Variants in CLSTN1 observed in about 807,000 individuals in gnomAD.
CLSTN1 encodes the protein calsyntenin 1.
CLSTN1 carries 28 observed loss-of-function variants against 108.3 expected under a neutral mutation model. The observed-to-expected ratio is 0.26, with a 90% confidence interval of 0.19 to 0.35. The LOEUF (loss-of-function observed/expected upper bound fraction) is 0.35. CLSTN1 is among the 10% of genes least tolerant of loss of function. CLSTN1 has a pLI of 1.00. For synonymous variants in CLSTN1, 524 were observed against 534.9 expected (o/e 0.98, Z 0.28); for missense variants, 1,157 against 1,302.6 (o/e 0.89, Z 1.72).
chr1:9,778,306 T>C (rs919957716), intron 1 of CLSTN1, among the ~76,000 whole-genome samples: 1 of 151,010 alleles, frequency 6.6e-6, no homozygotes, highest in Non-Finnish European at 1.5e-5. Context: ...ATTCTCTAAT[T>C]CCCAGTACCT....
At chr1:9,784,253 G>T (rs998234110) in intron 1 of CLSTN1, among the ~76,000 whole-genome samples, 4 of 151,952 alleles carry the variant, frequency 2.6e-5, no homozygotes, top group African/African-American at 4.8e-5. Flanking sequence ...TGAGGCAGGG[G>T]AATCTCTTGA....
chr1:9,797,197 A>G (rs1321463346), intron 1 of CLSTN1, among the ~76,000 whole-genome samples: 2 of 152,208 alleles, frequency 1.3e-5, no homozygotes. Context: ...AAAGAAATCA[A>G]GCTGGACTCA....
Position 9,823,409 on chromosome 1 carries a change from G to A in CLSTN1, c.91+234C>T, listed in dbSNP as rs1038393424. Among the ~76,000 whole-genome samples, 1 of 152,044 alleles carries A rather than the reference G, an allele frequency of 6.6e-6. No homozygotes were observed. Among genetic ancestry groups the A allele is most frequent in the African/African-American group, 2.4e-5 (1 of 41,410 alleles). On this transcript the variant is annotated intron_variant, in intron 1 of 18. Transcript: ENST00000377298. This position sits in a 1 kb window ranked among gnomAD's most constrained non-coding sequence, Gnocchi z 6.3. ...CTTCCCCGGGACGCCTGCAGCGCGC[G>A]CCCACAGTCTCCTGCGCCCTGGCCC...
Position 9,734,611 on chromosome 1 carries a change from T to C in CLSTN1, c.2110+337A>G, listed in dbSNP as rs1204824188. Among the ~76,000 whole-genome samples the C allele has an allele frequency of 6.7e-6, 1 of 149,762 alleles. No individual in the cohort carries two copies. The highest frequency in any genetic ancestry group is 1.5e-5 in the Non-Finnish European group (1 of 67,668). On this transcript the variant is annotated intron_variant, in intron 14 of 18. Coordinates refer to ENST00000377298, the MANE Select transcript of CLSTN1 (RefSeq NM_001009566.3). The surrounding 1 kb of genome is among the most constrained non-coding windows in gnomAD (Gnocchi z 4.8). ...AAAAGGGGGGGAGTTTCATGTGTCC[T>C]GAGCAAGAATTGTGGGGACATTGTG...
chr1:9,734,614 G>C lies in CLSTN1; in HGVS notation c.2110+334C>G, dbSNP rs573046188. Among the ~76,000 whole-genome samples the C allele has an allele frequency of 7.3e-5, 11 of 151,326 alleles. No homozygotes were observed. The South Asian group carries it at 2.3e-3, about 32-fold the overall frequency. ...AGGGGGGGAGTTTCATGTGTCCTGA[G>C]CAAGAATTGTGGGGACATTGTGCCT... On this transcript the variant is annotated intron_variant, in intron 14 of 18. Coordinates refer to ENST00000377298, the MANE Select transcript of CLSTN1 (RefSeq NM_001009566.3). This position sits in a 1 kb window ranked among gnomAD's most constrained non-coding sequence, Gnocchi z 4.8.
chr1:9,792,614 G>A (rs1167759130), intron 1 of CLSTN1, among the ~76,000 whole-genome samples: 1 of 151,444 alleles, frequency 6.6e-6, no homozygotes, highest in African/African-American at 2.4e-5. Flanking sequence ...GGTGTCGGGT[G>A]TCGGGAACCA....
At chr1:9,813,176 GA>G (rs1294388508) in intron 1 of CLSTN1, among the ~76,000 whole-genome samples, 1 of 151,342 alleles carries the variant, frequency 6.6e-6, no homozygotes, top group Non-Finnish European at 1.5e-5. Flanking sequence ...TAAACAAAAA[GA>G]AAAACCTGTT....
Position 9,751,679 on chromosome 1 carries a change from G to A in CLSTN1, c.443C>T (p.Ala148Val), listed in dbSNP as rs1272192083. ...GTCGTTCACCTGAATATGAACAGTT[G>A]CTCTGGACAAAGGGAGGGAGAAAAA... Reference protein sequence around the residue: ...DGTNVKKSHKATVHIQVNDVN... With the variant: ...DGTNVKKSHKVTVHIQVNDVN... Residue 148 changes from alanine (A) to valine (V), a missense_variant and splice_region_variant, in exon 5 of 19, where the codon GCA becomes GTA. Physicochemically the swap from Ala to Val is moderately conservative, Grantham distance 64 (BLOSUM62 0). Transcript: ENST00000377298. The A allele has an allele frequency of 6.2e-7, 1 of 1,613,830 alleles. No homozygotes were observed. The highest frequency in any genetic ancestry group is 1.1e-5 in the South Asian group (1 of 91,076).
At chr1:9,748,636 C>T (rs1651399149) in intron 7 of CLSTN1, among the ~76,000 whole-genome samples, 1 of 152,072 alleles carries the variant, frequency 6.6e-6, no homozygotes, top group African/African-American at 2.4e-5. Flanking sequence ...TACAGGCGTG[C>T]ACCGCCATGC....
Position 9,749,551 on chromosome 1 carries a change from C to G in CLSTN1, c.895G>C (p.Val299Leu). Residue 299 changes from valine to leucine, a missense_variant, in exon 7 of 19, where the codon GTA becomes CTA. Coordinates refer to ENST00000377298, the MANE Select transcript of CLSTN1 (RefSeq NM_001009566.3). ...GTTTCTAGCTCCACTGTGGCCTGTACTGAGGCGACTGGCTCGTCACATGTC... is the reference window on the plus strand; with the variant it reads ...GTTTCTAGCTCCACTGTGGCCTGTAGTGAGGCGACTGGCTCGTCACATGTC... Reference protein sequence around the residue: ...LETCDEPVASVQATVELETSH... With the variant: ...LETCDEPVASLQATVELETSH... 6.2e-7 allele frequency: 1 copy of G among 1,614,212 alleles called. No individual in the cohort carries two copies. Among genetic ancestry groups the G allele is most frequent in the South Asian group, 1.1e-5 (1 of 91,074 alleles).
At chr1:9,732,187 C>A (rs1349053499) in intron 16 of CLSTN1, among the ~76,000 whole-genome samples, 1 of 152,160 alleles carries the variant, frequency 6.6e-6, no homozygotes, top group Non-Finnish European at 1.5e-5. Flanking sequence ...TATCACTTTT[C>A]TACTTATTAG....
At chr1:9,813,776 A>AT (rs1337479365) in intron 1 of CLSTN1, among the ~76,000 whole-genome samples, 1 of 152,152 alleles carries the variant, frequency 6.6e-6, no homozygotes, top group Non-Finnish European at 1.5e-5. Flanking sequence ...ACATTCAACT[A>AT]TTTTGAAGTG....
At chr1:9,757,355 C>T (rs1014787942) in intron 2 of CLSTN1, among the ~76,000 whole-genome samples, 2 of 151,254 alleles carry the variant, frequency 1.3e-5, no homozygotes, top group African/African-American at 4.9e-5. Flanking sequence ...CATTCTCCTA[C>T]CTCAGCCTCC....
chr1:9,792,782 G>A (rs1022442831), intron 1 of CLSTN1, among the ~76,000 whole-genome samples: 3 of 151,274 alleles, frequency 2.0e-5, no homozygotes, highest in Non-Finnish European at 1.5e-5. Context: ...AGGTGGATGG[G>A]TGCAGGGGTG....
chr1:9,779,604 T>C (rs1653148087), intron 1 of CLSTN1, among the ~76,000 whole-genome samples: 2 of 152,094 alleles, frequency 1.3e-5, no homozygotes, highest in Admixed American at 1.3e-4. Flanking sequence ...AAAAAGTTTT[T>C]TTAGTTGAGA....
At chr1:9,779,523 A>G (rs997159032) in intron 1 of CLSTN1, among the ~76,000 whole-genome samples, 2 of 152,178 alleles carry the variant, frequency 1.3e-5, no homozygotes, top group African/African-American at 4.8e-5. Flanking sequence ...CACCACTCCA[A>G]CATGGAGAAA....
intron 7 of CLSTN1, among the ~76,000 whole-genome samples, chr1:9,747,896 T>C (rs955682655): frequency 6.6e-6 from 1 of 151,828 alleles, no homozygotes; most frequent in Non-Finnish European, 1.5e-5. Flanking sequence ...ACAAAAAAAT[T>C]AGCCGGGCAT....
intron 1 of CLSTN1, among the ~76,000 whole-genome samples, chr1:9,807,699 C>A (rs1333587701): frequency 6.6e-6 from 1 of 152,206 alleles, no homozygotes; most frequent in Non-Finnish European, 1.5e-5. Context: ...GAGGGCCCAC[C>A]GCCCCCGGTT....
In CLSTN1 at chr1:9,800,868, G is replaced by A. The variant is rs141944030; in HGVS notation, c.91+22775C>T. Among the ~76,000 whole-genome samples the A allele has an allele frequency of 4.4e-3, 667 of 152,138 alleles. 8 individuals are homozygous for A. Among genetic ancestry groups the A allele is most frequent in the African/African-American group, 0.015 (622 of 41,534 alleles). Reference sequence around the variant, plus strand: ...GTAGGAGAATAGCTGGAACCTGGGAGGCGGAGGCTGCAGTGAGCCGAGATT... The same window carrying A: ...GTAGGAGAATAGCTGGAACCTGGGAAGCGGAGGCTGCAGTGAGCCGAGATT... On this transcript the variant is annotated intron_variant, in intron 1 of 18. Coordinates refer to ENST00000377298, the MANE Select transcript of CLSTN1 (RefSeq NM_001009566.3).
Sources: allele counts gnomAD v4.1 joint callset (sites outside exome capture counted in the v4.1 genomes callset), GRCh38; gene constraint gnomAD v4.1.1; non-coding constraint Gnocchi (gnomAD v3.1); transcripts MANE v1.5; gene names NCBI Gene and HGNC (gene_info 2026-07-23, HGNC 2026-07-21).